Variants in PTPN21 observed in about 807,000 individuals in gnomAD.
PTPN21 encodes protein tyrosine phosphatase non-receptor type 21, also known as tyrosine-protein phosphatase non-receptor type 21.
Under a neutral mutation model 131.8 loss-of-function variants are expected in PTPN21, and 77 were observed. The ratio of observed to expected loss-of-function variants is 0.58; its 90% CI spans 0.49 to 0.71. The LOEUF (loss-of-function observed/expected upper bound fraction) is 0.71. Among genes scored for constraint, PTPN21 ranks in the 30% least tolerant of loss-of-function variants. The pLI is 0.00. For synonymous variants in PTPN21, 715 were observed against 621.3 expected (o/e 1.15, Z -2.24); for missense variants, 1,552 against 1,527.1 (o/e 1.02, Z -0.27).
chr14:88,554,389 C>T (rs952174994), intron 1 of PTPN21, among the ~76,000 whole-genome samples: 3 of 152,194 alleles, frequency 2.0e-5, no homozygotes, highest in Non-Finnish European at 4.4e-5. Context: ...AAACCCTGAT[C>T]CAGAATTAAC....
At chr14:88,475,999 A>C (rs1435629446) in intron 13 of PTPN21, among the ~76,000 whole-genome samples, 2 of 152,196 alleles carry the variant, frequency 1.3e-5, no homozygotes, top group Middle Eastern at 3.2e-3. Flanking sequence ...TTATGTGAGA[A>C]CCACTGCACT....
chr14:88,478,866 C>A, intron 13 of PTPN21, 54 bp downstream of exon 13: 1 of 1,249,774 alleles, frequency 8.0e-7, no homozygotes, highest in Non-Finnish European at 1.1e-6. Context: ...GTGAAAGAAG[C>A]GCCAGGGCGA....
Position 88,469,778 on chromosome 14 carries a change from G to C in PTPN21, c.3001-45C>G. 6.2e-7 allele frequency: 1 copy of C among 1,603,968 alleles called. No homozygotes were observed. Among genetic ancestry groups the C allele is most frequent in the Non-Finnish European group, 8.5e-7 (1 of 1,170,944 alleles). ...TTAAATGACTCGAGATCCGGCAATG[G>C]ATGCCTTTCTCACATAGACGGCACA... On this transcript the variant is annotated intron_variant, in intron 16 of 18. Transcript: ENST00000556564. This position sits in a 1 kb window ranked among gnomAD's most constrained non-coding sequence, Gnocchi z 4.3.
At chr14:88,470,292 T>C (rs1166021920) in intron 15 of PTPN21, 7 of 500,932 alleles carry the variant, frequency 1.4e-5, no homozygotes, top group Middle Eastern at 5.3e-4. Context: ...CTATGCAACC[T>C]GTTTAACCTT....
At chr14:88,522,735 A>G (rs1273914237) in intron 2 of PTPN21, among the ~76,000 whole-genome samples, 2 of 152,186 alleles carry the variant, frequency 1.3e-5, no homozygotes, top group East Asian at 3.8e-4. Flanking sequence ...AAATGTTTAT[A>G]TACATATGGG....
intron 3 of PTPN21, among the ~76,000 whole-genome samples, chr14:88,516,639 C>A (rs2139309609): frequency 6.6e-6 from 1 of 152,288 alleles, no homozygotes; most frequent in Non-Finnish European, 1.5e-5. Context: ...ACACTTCCCT[C>A]CCTCTCCTCT....
chr14:88,469,063 CTCT>C lies in PTPN21; in HGVS notation c.3246_3248del (p.Glu1083del). 1 of 1,613,084 alleles carries C rather than the reference CTCT, an allele frequency of 6.2e-7. No individual in the cohort carries two copies. Among genetic ancestry groups the C allele is most frequent in the Non-Finnish European group, 8.5e-7 (1 of 1,179,182 alleles). On this transcript the variant is annotated inframe_deletion, in exon 18 of 19. Transcript: ENST00000556564. The surrounding 1 kb of genome is among the most constrained non-coding windows in gnomAD (Gnocchi z 4.3). Reference sequence around the variant, plus strand: ...TTGTATGGCGTCGAACAGACTGGATCTCTTCAAGATATGCTGTGGAAAATCAAT... The same window carrying C: ...TTGTATGGCGTCGAACAGACTGGATCTCAAGATATGCTGTGGAAAATCAAT...
chr14:88,525,397 T>G (rs2078459169), intron 2 of PTPN21, among the ~76,000 whole-genome samples: 1 of 152,108 alleles, frequency 6.6e-6, no homozygotes, highest in African/African-American at 2.4e-5. Flanking sequence ...AATATTAAAA[T>G]GGGCAAAGGA....
At chr14:88,478,326 T>C (rs1260581829) in intron 13 of PTPN21, among the ~76,000 whole-genome samples, 1 of 152,252 alleles carries the variant, frequency 6.6e-6, no homozygotes, top group Non-Finnish European at 1.5e-5. Flanking sequence ...GAATTCATCT[T>C]TCTTTTAAAT....
chr14:88,521,504 G>C (rs1440028920), intron 2 of PTPN21, among the ~76,000 whole-genome samples: 1 of 151,208 alleles, frequency 6.6e-6, no homozygotes, highest in Non-Finnish European at 1.5e-5. Flanking sequence ...CCAGTTTCAA[G>C]CGCTTCTCCT....
intron 10 of PTPN21, among the ~76,000 whole-genome samples, chr14:88,494,127 G>A (rs1476505945): frequency 1.5e-4 from 23 of 152,126 alleles, no homozygotes. Context: ...AGTGGAAGGG[G>A]GGTACCATAG....
At position 88,469,467 on chromosome 14, in the gene PTPN21, G is replaced by T; in HGVS notation, c.3235+32C>A. ...TCTCTGTTTAACACCTCCAGAGGCA[G>T]CTGTCCTCGGAACAAAGTTAAAGTC... On this transcript the variant is annotated intron_variant, in intron 17 of 18. Coordinates refer to ENST00000556564, the MANE Select transcript of PTPN21 (RefSeq NM_007039.4). The surrounding 1 kb of genome is among the most constrained non-coding windows in gnomAD (Gnocchi z 4.3). The T allele has an allele frequency of 6.5e-7, 1 of 1,534,474 alleles. No individual in the cohort carries two copies. The highest frequency in any genetic ancestry group is 9.0e-7 in the Non-Finnish European group (1 of 1,108,120).
chr14:88,532,233 AAG>A (rs1014581496), intron 2 of PTPN21, among the ~76,000 whole-genome samples: 50 of 152,348 alleles, frequency 3.3e-4, no homozygotes, highest in African/African-American at 1.2e-3. Flanking sequence ...AAGATAGAGA[AAG>A]AGGGAATCCT....
intron 2 of PTPN21, among the ~76,000 whole-genome samples, chr14:88,533,497 C>T (rs747797473): frequency 6.6e-6 from 1 of 152,184 alleles, no homozygotes; most frequent in African/African-American, 2.4e-5. Context: ...CAACTATGTA[C>T]AGTACATAAC....
intron 8 of PTPN21, chr14:88,499,514 A>G (rs190066829): frequency 6.6e-6 from 1 of 152,340 alleles, no homozygotes; most frequent in Admixed American, 6.5e-5. Flanking sequence ...GGAGGATCCA[A>G]GTTCTAGTCC....
intron 2 of PTPN21, among the ~76,000 whole-genome samples, chr14:88,532,572 A>G (rs1246253765): frequency 6.6e-6 from 1 of 152,250 alleles, no homozygotes; most frequent in Non-Finnish European, 1.5e-5. Flanking sequence ...TATAAAGTAT[A>G]TGCCCTTGAC....
chr14:88,547,895 T>C (rs975158729), intron 2 of PTPN21, among the ~76,000 whole-genome samples: 2 of 152,142 alleles, frequency 1.3e-5, no homozygotes, highest in African/African-American at 4.8e-5. Flanking sequence ...CTGGATCTCA[T>C]GCCTGAACTC....
Position 88,479,277 on chromosome 14 carries a change from G to GTCC in PTPN21, c.2151_2153dup (p.Glu717dup), listed in dbSNP as rs761733083. On this transcript the variant is annotated inframe_insertion, in exon 13 of 19. Transcript: ENST00000556564. The stretch of plus-strand genomic sequence containing the variant: ...CCCGGGCCCCGCTCTCCTCCTCGAA[G>GTCC]TCCTCGTCCTCCTCCTCCTCGCTGC... The GTCC allele has an allele frequency of 6.2e-7, 1 of 1,613,018 alleles. No homozygotes were observed. Among genetic ancestry groups the GTCC allele is most frequent in the South Asian group, 1.1e-5 (1 of 91,060 alleles).
intron 2 of PTPN21, among the ~76,000 whole-genome samples, chr14:88,544,639 G>A (rs1454882396): frequency 6.6e-6 from 1 of 152,054 alleles, no homozygotes; most frequent in Non-Finnish European, 1.5e-5. Flanking sequence ...ACAGCACTTG[G>A]ATGCAACCTA....
Sources: gnomAD v4.1 joint callset for allele counts (sites outside exome capture counted in the v4.1 genomes callset) on GRCh38, gnomAD v4.1.1 for gene constraint, Gnocchi (gnomAD v3.1) non-coding constraint, MANE v1.5 for transcripts, NCBI Gene and HGNC (gene_info 2026-07-23, HGNC 2026-07-21) for gene names.